The following LAMC3 variants were observed in gnomAD, a reference collection of about 807,000 sequenced individuals.
LAMC3 encodes the protein laminin subunit gamma-3.
LAMC3 carries 128 observed loss-of-function variants against 173.8 expected under a neutral mutation model. That is an observed-to-expected ratio of 0.74 (90% CI 0.64 to 0.85). The LOEUF (loss-of-function observed/expected upper bound fraction) is 0.85, where lower values mean the gene tolerates loss of function less well. Ranked by LOEUF, LAMC3 falls within the 40% of genes least tolerant of loss-of-function variation. The pLI, the probability that LAMC3 is intolerant of heterozygous loss-of-function variation, is 0.00. For synonymous variants in LAMC3, 897 were observed against 909.1 expected (o/e 0.99, Z 0.24); for missense variants, 2,022 against 2,156.0 (o/e 0.94, Z 1.23).
At position 131,052,527 on chromosome 9, in the gene LAMC3, A is replaced by G. The variant is rs868137647; in HGVS notation, c.1667A>G (p.Gln556Arg). 2 of 1,614,168 alleles carry G rather than the reference A, an allele frequency of 1.2e-6. No individual in the cohort carries two copies. Among genetic ancestry groups the G allele is most frequent in the Non-Finnish European group, 8.5e-7 (1 of 1,180,012 alleles). ...GGAGACCAGCGGTTCAGCTATGGGCAGCCCCTCATACTGACCTTCCGGGTG... is the reference window on the plus strand; with the variant it reads ...GGAGACCAGCGGTTCAGCTATGGGCGGCCCCTCATACTGACCTTCCGGGTG... ...FLGDQRFSYG[Q>R]PLILTFRVPP... The change falls in exon 10 of 28, where the codon CAG becomes CGG. Residue 556 changes from glutamine (Q) to arginine (R), a missense_variant. By Grantham distance (43) the Gln-to-Arg change is conservative. Transcript: ENST00000361069.
rs571546512 is a variant in LAMC3 at position 131,028,748 on chromosome 9, G to A, written c.678+2159G>A. 3.3e-5 allele frequency among the ~76,000 whole-genome samples: 5 copies of A among 152,338 alleles called. No individual in the cohort carries two copies. In the East Asian group the frequency reaches 7.7e-4, roughly 23 times the overall value. The stretch of plus-strand genomic sequence containing the variant: ...TTCTCCCAATGCAGTGGAGTCACAC[G>A]CACAGCACATATTTCCCCAGAGCCA... On this transcript the variant is annotated intron_variant, in intron 2 of 27. Transcript: ENST00000361069.
chr9:131,009,727 A>G lies in LAMC3; in HGVS notation c.373+140A>G. The G allele has an allele frequency of 6.5e-6, 7 of 1,070,690 alleles. No individual in the cohort carries two copies. Among genetic ancestry groups the G allele is most frequent in the Non-Finnish European group, 9.3e-6 (7 of 748,788 alleles). 66.3% of individuals were successfully genotyped at this position (1,070,690 alleles called of 1,614,324 possible). A position where few individuals can be genotyped will look rare whatever the true frequency, so the allele number is the denominator to read the frequency against. On this transcript the variant is annotated intron_variant, in intron 1 of 27. Coordinates refer to ENST00000361069, the MANE Select transcript of LAMC3 (RefSeq NM_006059.4). This position sits in a 1 kb window ranked among gnomAD's most constrained non-coding sequence, Gnocchi z 4.3. ...GTGTTGGATGGAGGGGCTCAGAAATAGGAATTAGGCTGGGTGCGGTGGCTC... is the reference window on the plus strand; with the variant it reads ...GTGTTGGATGGAGGGGCTCAGAAATGGGAATTAGGCTGGGTGCGGTGGCTC...
At chr9:131,062,042 C>T (rs1029777680) in intron 13 of LAMC3, among the ~76,000 whole-genome samples, 1 of 151,020 alleles carries the variant, frequency 6.6e-6, no homozygotes, top group Non-Finnish European at 1.5e-5. Context: ...CAGAGCCAGA[C>T]CCTATATCCA....
intron 4 of LAMC3, 118 bp downstream of exon 4, chr9:131,036,450 C>T (rs547898161): frequency 1.4e-5 from 16 of 1,144,370 alleles, no homozygotes; most frequent in South Asian, 1.0e-4. Context: ...GGGGGCAGCT[C>T]GGGGTCTCTG....
At chr9:131,016,738 G>A (rs1048921365) in intron 1 of LAMC3, among the ~76,000 whole-genome samples, 2 of 152,160 alleles carry the variant, frequency 1.3e-5, no homozygotes, top group African/African-American at 4.8e-5. Flanking sequence ...ACACAAGTTG[G>A]TATATGTGGA....
chr9:131,067,252 TCTC>T, intron 14 of LAMC3, 47 bp downstream of exon 14: 1 of 1,607,986 alleles, frequency 6.2e-7, no homozygotes, highest in Non-Finnish European at 8.5e-7. Context: ...GTGGGCCCCT[TCTC>T]TTCTGCCCTG....
chr9:131,013,783 G>A (rs939800308), intron 1 of LAMC3, among the ~76,000 whole-genome samples: 8 of 152,284 alleles, frequency 5.3e-5, no homozygotes, highest in African/African-American at 1.9e-4. Flanking sequence ...GAAGACGCTG[G>A]GGTCTGGCCA....
chr9:131,045,769 G>C, intron 8 of LAMC3, 109 bp downstream of exon 8: 1 of 1,381,660 alleles, frequency 7.2e-7, no homozygotes, highest in Non-Finnish European at 1.0e-6. Context: ...GTGGAGAGGA[G>C]CCACAGGCCT....
intron 5 of LAMC3, 38 bp downstream of exon 5, chr9:131,039,090 C>G (rs372485193): frequency 6.2e-7 from 1 of 1,612,088 alleles, no homozygotes; most frequent in Admixed American, 1.7e-5. Flanking sequence ...CGACCCTCTC[C>G]CTTTCCTGGC....
At chr9:131,034,075 C>T (rs1833899141) in intron 3 of LAMC3, among the ~76,000 whole-genome samples, 2 of 152,272 alleles carry the variant, frequency 1.3e-5, no homozygotes, top group East Asian at 1.9e-4. Context: ...CAGGGGGCTT[C>T]GGGCCAGAGG....
At chr9:131,085,396 A>T in intron 24 of LAMC3, 128 bp from the exon 25 acceptor site, 1 of 878,650 alleles carries the variant, frequency 1.1e-6, no homozygotes, top group South Asian at 1.4e-5. Context: ...TGCACGTTGC[A>T]TGCACTTCAG....
chr9:131,014,097 C>T (rs1439904813), intron 1 of LAMC3, among the ~76,000 whole-genome samples: 1 of 152,240 alleles, frequency 6.6e-6, no homozygotes, highest in Non-Finnish European at 1.5e-5. Context: ...GCCTTGGCCA[C>T]CTCTTTCTCT....
At position 131,079,290 on chromosome 9, in the gene LAMC3, C is replaced by G; in HGVS notation, c.3919C>G (p.Leu1307Val). The change falls in exon 23 of 28, where the codon CTC (leucine) becomes GTC (valine). Residue 1307 changes from leucine (L) to valine (V), a missense_variant. Leu to Val is a conservative substitution (Grantham distance 32). Coordinates refer to ENST00000361069, the MANE Select transcript of LAMC3 (RefSeq NM_006059.4). Reference protein sequence around the residue: ...AQATLRQTEPLTKLHQEARAA... With the variant: ...AQATLRQTEPVTKLHQEARAA... Reference sequence around the variant, plus strand: ...GGCGACGCTACGGCAAACAGAACCCCTCACAAAGGTCAGCTCTTGTGCTTT... The same window carrying G: ...GGCGACGCTACGGCAAACAGAACCCGTCACAAAGGTCAGCTCTTGTGCTTT... The G allele has an allele frequency of 6.2e-7, 1 of 1,614,166 alleles. No homozygotes were observed. The highest frequency in any genetic ancestry group is 2.2e-5 in the East Asian group (1 of 44,876).
rs143668507 is a variant in LAMC3 at position 131,029,616 on chromosome 9, G to A, written c.679-2429G>A. Among the ~76,000 whole-genome samples, 1 of 152,330 alleles carries A rather than the reference G, an allele frequency of 6.6e-6. No individual in the cohort carries two copies. Among genetic ancestry groups the A allele is most frequent in the African/African-American group, 2.4e-5 (1 of 41,570 alleles). ...CTCTTTTCTCCTCATGCTCCCTCTG[G>A]ACACATTTAGGGGGCAGGTGCTTTC... is the stretch of plus-strand genomic sequence containing the variant. On this transcript the variant is annotated intron_variant, in intron 2 of 27. Transcript: ENST00000361069. The surrounding 1 kb of genome is among the most constrained non-coding windows in gnomAD (Gnocchi z 4.6).
In LAMC3 at chr9:131,087,467, A is replaced by G. The variant is rs1830351039; in HGVS notation, c.4231-9A>G. 3 of 1,613,588 alleles carry G rather than the reference A, an allele frequency of 1.9e-6. No homozygotes were observed. Among genetic ancestry groups the G allele is most frequent in the African/African-American group, 1.3e-5 (1 of 74,944 alleles). Reference sequence around the variant, plus strand: ...CTTCTTCTCCCTGCCACTGCCACCCATCCCATAGCTTGCCAAGGCCTTGCT... The same window carrying G: ...CTTCTTCTCCCTGCCACTGCCACCCGTCCCATAGCTTGCCAAGGCCTTGCT... On this transcript the variant is annotated splice_polypyrimidine_tract_variant and intron_variant, in intron 25 of 27. Transcript: ENST00000361069.
chr9:131,040,301 C>G (rs1433954082), intron 6 of LAMC3, among the ~76,000 whole-genome samples: 2 of 152,060 alleles, frequency 1.3e-5, no homozygotes, highest in Admixed American at 6.5e-5. Context: ...TCTCAGCCTC[C>G]TGAGTAGCTG....
intron 1 of LAMC3, among the ~76,000 whole-genome samples, chr9:131,018,292 G>A (rs1833563997): frequency 6.6e-6 from 1 of 151,718 alleles, no homozygotes; most frequent in Non-Finnish European, 1.5e-5. Context: ...ATGCCACCAT[G>A]CCCGGCTAAT....
intron 1 of LAMC3, among the ~76,000 whole-genome samples, chr9:131,022,963 C>A (rs1024927661): frequency 2.0e-5 from 3 of 152,064 alleles, no homozygotes; most frequent in African/African-American, 7.2e-5. Context: ...CCTGTGACAA[C>A]CACCTGTCTC....
At position 131,052,898 on chromosome 9, in the gene LAMC3, C is replaced by T. The variant is rs2133282431; in HGVS notation, c.1872C>T (p.His624=). The change falls in exon 11 of 28, where the codon CAC becomes CAT. Residue 624 remains histidine (H), a synonymous_variant. Transcript: ENST00000361069. ...TGGCCCCTCCACTGCCCCCCTTCCA[C>T]TTCCAGCGGCTCCTCGCCAACCTGA... ...EDVAPPLPPF[H]FQRLLANLTS... 1 of 1,614,038 alleles carries T rather than the reference C, an allele frequency of 6.2e-7. No individual in the cohort carries two copies. The highest frequency in any genetic ancestry group is 1.1e-5 in the South Asian group (1 of 91,086).
Sources: gnomAD v4.1 joint callset for allele counts (sites outside exome capture counted in the v4.1 genomes callset) on GRCh38, gnomAD v4.1.1 for gene constraint, Gnocchi (gnomAD v3.1) non-coding constraint, MANE v1.5 for transcripts, NCBI Gene and HGNC (gene_info 2026-07-23, HGNC 2026-07-21) for gene names.